FRMD4B: variants seen among roughly 807,000 people sequenced by gnomAD.
FRMD4B encodes FERM domain-containing protein 4B.
FRMD4B carries 74 observed loss-of-function variants against 141.5 expected under a neutral mutation model. That is an observed-to-expected ratio of 0.52 (90% CI 0.43 to 0.63). The LOEUF (loss-of-function observed/expected upper bound fraction) is 0.63. Among genes scored for constraint, FRMD4B ranks in the 30% least tolerant of loss-of-function variants. The pLI is 0.00. For synonymous variants in FRMD4B, 506 were observed against 467.9 expected, an observed-to-expected ratio of 1.08 and a Z score of -1.05; for missense variants, 1,366 against 1,253.4, an observed-to-expected ratio of 1.09 and a Z score of -1.36.
chr3:69,300,728 G>GT (rs1316394267), intron 4 of FRMD4B, among the ~76,000 whole-genome samples: 1 of 151,950 alleles, frequency 6.6e-6, no homozygotes, highest in East Asian at 1.9e-4. Flanking sequence ...CAACCTATTG[G>GT]TTTTTTTTGT....
chr3:69,250,116 A>G lies in FRMD4B; in HGVS notation c.502-17T>C, dbSNP rs2093452423. ...GATTTGCCCCTGTTGATGGAAAAGG[A>G]AAGCATCATTGAACATGGGGCTGTC... On this transcript the variant is annotated splice_polypyrimidine_tract_variant and intron_variant, in intron 5 of 22. Transcript: ENST00000398540. 1 of 1,579,120 alleles carries G rather than the reference A, an allele frequency of 6.3e-7. No individual in the cohort carries two copies. Among genetic ancestry groups the G allele is most frequent in the South Asian group, 1.1e-5 (1 of 90,446 alleles).
intron 1 of FRMD4B, among the ~76,000 whole-genome samples, chr3:69,357,571 A>T (rs1055887477): frequency 2.0e-5 from 3 of 152,232 alleles, no homozygotes; most frequent in African/African-American, 7.2e-5. Flanking sequence ...GAATAAAGGA[A>T]ATATGTCCAC....
chr3:69,505,840 T>C (rs1419075648), intron 1 of FRMD4B, among the ~76,000 whole-genome samples: 1 of 152,190 alleles, frequency 6.6e-6, no homozygotes, highest in African/African-American at 2.4e-5. Flanking sequence ...ATTTTCTTTA[T>C]TATATGAAAG....
chr3:69,453,711 T>C (rs951553549), intron 1 of FRMD4B, among the ~76,000 whole-genome samples: 3 of 151,842 alleles, frequency 2.0e-5, no homozygotes, highest in South Asian at 2.1e-4. Context: ...CAGAGAGGAA[T>C]TGGAAAAAGG....
chr3:69,311,144 G>A, intron 3 of FRMD4B, 119 bp downstream of exon 3: 1 of 512,252 alleles, frequency 2.0e-6, no homozygotes, highest in Non-Finnish European at 3.6e-6. Context: ...AAAACCTTTA[G>A]CTAAGCAGGA....
At chr3:69,381,948 A>G (rs1489398147) in intron 1 of FRMD4B, among the ~76,000 whole-genome samples, 1 of 152,182 alleles carries the variant, frequency 6.6e-6, no homozygotes, top group East Asian at 1.9e-4. Context: ...AATCAATGCA[A>G]TCCAGTGTTT....
chr3:69,501,582 T>C (rs531580476), intron 1 of FRMD4B, among the ~76,000 whole-genome samples: 1 of 152,292 alleles, frequency 6.6e-6, no homozygotes. Context: ...TCACACTGAA[T>C]GGGCAAAAAC....
At chr3:69,323,610 A>G (rs999145667) in intron 1 of FRMD4B, among the ~76,000 whole-genome samples, 48 of 11,378 alleles carry the variant, frequency 4.2e-3, no homozygotes, top group East Asian at 0.03. Context: ...CTCTCTGTGT[A>G]TATATATATA....
chr3:69,325,101 G>GAAAGAAAGAAAC, intron 1 of FRMD4B, among the ~76,000 whole-genome samples: 1 of 150,960 alleles, frequency 6.6e-6, no homozygotes. Context: ...AAGAAAGAAA[G>GAAAGAAAGAAAC]AAAGAAAGAA....
At chr3:69,276,913 C>T (rs1294100021) in intron 5 of FRMD4B, among the ~76,000 whole-genome samples, 1 of 152,072 alleles carries the variant, frequency 6.6e-6, no homozygotes, top group East Asian at 1.9e-4. Context: ...TGCAGTGAGC[C>T]GAGATTGTGC....
rs529433256 is a variant in FRMD4B at position 69,460,819 on chromosome 3, C to A, written c.-128-28058G>T. ...TAAGGGTCAGTTCTCTGCATATTTA[C>A]AAAAGCTCCTCTAAGTGACTTCAGC... On this transcript the variant is annotated intron_variant, in intron 1 of 5. Coordinates refer to the FRMD4B transcript ENST00000459638. Among the ~76,000 whole-genome samples the A allele has an allele frequency of 2.6e-5, 4 of 152,294 alleles. No homozygotes were observed. The South Asian group carries it at 8.3e-4, about 32-fold the overall frequency.
At chr3:69,478,388 G>T (rs1706042405) in intron 1 of FRMD4B, among the ~76,000 whole-genome samples, 1 of 152,192 alleles carries the variant, frequency 6.6e-6, no homozygotes, top group African/African-American at 2.4e-5. Flanking sequence ...GTGTCCCAGA[G>T]ATTCTGGTAT....
At chr3:69,230,957 G>A (rs2093300711) in intron 7 of FRMD4B, among the ~76,000 whole-genome samples, 1 of 152,144 alleles carries the variant, frequency 6.6e-6, no homozygotes, top group African/African-American at 2.4e-5. Flanking sequence ...ACTACTTCAT[G>A]TACATAAAGG....
At chr3:69,262,697 T>C (rs2093535789) in intron 5 of FRMD4B, among the ~76,000 whole-genome samples, 1 of 151,328 alleles carries the variant, frequency 6.6e-6, no homozygotes, top group Non-Finnish European at 1.5e-5. Context: ...AGACCTCAGG[T>C]GATCCGCCCG....
At chr3:69,351,692 G>T (rs1021694064) in intron 1 of FRMD4B, among the ~76,000 whole-genome samples, 1 of 152,188 alleles carries the variant, frequency 6.6e-6, no homozygotes, top group Non-Finnish European at 1.5e-5. Flanking sequence ...CCCAGAAAAG[G>T]CAAAGGGTGG....
At chr3:69,420,315 C>T (rs1393645405) in intron 2 of FRMD4B, among the ~76,000 whole-genome samples, 1 of 141,324 alleles carries the variant, frequency 7.1e-6, no homozygotes, top group Non-Finnish European at 1.6e-5. Flanking sequence ...ACAACCAAAA[C>T]AACCCTACAT....
intron 2 of FRMD4B, among the ~76,000 whole-genome samples, chr3:69,395,038 A>G (rs1704451471): frequency 6.6e-6 from 1 of 152,154 alleles, no homozygotes; most frequent in African/African-American, 2.4e-5. Flanking sequence ...AAGGGGAGGG[A>G]GAACATTAGG....
chr3:69,475,329 T>C (rs926840328), intron 1 of FRMD4B, among the ~76,000 whole-genome samples: 1 of 152,004 alleles, frequency 6.6e-6, no homozygotes, highest in Non-Finnish European at 1.5e-5. Flanking sequence ...TAGCATTAGG[T>C]ATATCTCCTA....
intron 1 of FRMD4B, among the ~76,000 whole-genome samples, chr3:69,342,811 T>C (rs1702781717): frequency 6.6e-6 from 1 of 152,174 alleles, no homozygotes; most frequent in African/African-American, 2.4e-5. Context: ...TACTGCTAAC[T>C]ACAGTCACCC....
Sources: allele counts gnomAD v4.1 joint callset (sites outside exome capture counted in the v4.1 genomes callset), GRCh38; gene constraint gnomAD v4.1.1; transcripts MANE v1.5; gene names NCBI Gene and HGNC (gene_info 2026-07-23, HGNC 2026-07-21).